Variants in STK32A observed in about 807,000 individuals in gnomAD.
The protein encoded by STK32A is serine/threonine-protein kinase 32A.
Under a neutral mutation model 53.2 loss-of-function variants are expected in STK32A, and 41 were observed. The observed-to-expected ratio is 0.77, with a 90% CI of 0.60 to 1.00. The LOEUF (loss-of-function observed/expected upper bound fraction) is 1.00. Ranked by LOEUF, STK32A falls within the 50% of genes least tolerant of loss-of-function variation. The pLI, the probability that STK32A is intolerant of heterozygous loss-of-function variation, is 0.00. For synonymous variants in STK32A, 166 were observed against 162.8 expected (o/e 1.02, Z -0.15); for missense variants, 458 against 485.8 (o/e 0.94, Z 0.54).
chr5:147,313,063 CAAAA>C (rs71583952), intron 4 of STK32A, among the ~76,000 whole-genome samples: 2 of 78,672 alleles, frequency 2.5e-5, no homozygotes, highest in Admixed American at 1.4e-4. Context: ...CTCATCTCTA[CAAAA>C]AAAAAAAAAA....
At chr5:147,373,377 A>C in intron 10 of STK32A, 83 bp downstream of exon 10, 1 of 1,547,410 alleles carries the variant, frequency 6.5e-7, no homozygotes. Context: ...GTCTCATTAG[A>C]TAATCACACC....
At chr5:147,238,428 A>G (rs1407388293) in intron 1 of STK32A, among the ~76,000 whole-genome samples, 1 of 152,170 alleles carries the variant, frequency 6.6e-6, no homozygotes. Flanking sequence ...GAGAGGTTAC[A>G]TAACTGGGCC....
intron 2 of STK32A, among the ~76,000 whole-genome samples, chr5:147,255,318 G>A (rs183705453): frequency 3.3e-5 from 5 of 152,188 alleles, no homozygotes; most frequent in African/African-American, 1.2e-4. Flanking sequence ...AAAAGAAGAA[G>A]CTTCTCTGGA....
At chr5:147,311,487 C>T (rs983671484) in intron 4 of STK32A, among the ~76,000 whole-genome samples, 1 of 152,046 alleles carries the variant, frequency 6.6e-6, no homozygotes, top group Non-Finnish European at 1.5e-5. Context: ...AATTAGTGAG[C>T]AATTCAGGCA....
At chr5:147,391,605 A>G (rs1427057222), downstream of STK32A, 1 of 152,108 alleles carries the variant, frequency 6.6e-6, no homozygotes. Flanking sequence ...GAGGGCCGGG[A>G]CTCACCATTG....
intron 5 of STK32A, among the ~76,000 whole-genome samples, chr5:147,332,484 T>C (rs1164387940): frequency 6.6e-6 from 1 of 152,128 alleles, no homozygotes; most frequent in Non-Finnish European, 1.5e-5. Flanking sequence ...CTAAAAATTA[T>C]CTGATTACTT....
intron 2 of STK32A, among the ~76,000 whole-genome samples, chr5:147,258,797 GT>G (rs1376068803): frequency 6.6e-6 from 1 of 151,864 alleles, no homozygotes; most frequent in Non-Finnish European, 1.5e-5. Flanking sequence ...ATGTTACACT[GT>G]TAACTTTTAG....
At chr5:147,258,659 A>G (rs1754347637) in intron 2 of STK32A, among the ~76,000 whole-genome samples, 1 of 127,962 alleles carries the variant, frequency 7.8e-6, no homozygotes, top group Admixed American at 7.3e-5. Context: ...ACTATATAAC[A>G]TTCTTTTTAC....
chr5:147,368,979 G>C (rs1756890892), intron 8 of STK32A, among the ~76,000 whole-genome samples: 1 of 152,100 alleles, frequency 6.6e-6, no homozygotes, highest in South Asian at 2.1e-4. Flanking sequence ...AGAAGCTTGA[G>C]TATACTAAGC....
rs35437278 is a variant in STK32A, at chr5:147,283,470, C to CA, written c.260+4085dup. On this transcript the variant is annotated intron_variant, in intron 4 of 12. Coordinates refer to ENST00000397936, the MANE Select transcript of STK32A (RefSeq NM_001112724.2). ...AAAGCAGAACTAAATGAAATTGAAA[C>CA]AAAAAAAAAAAAAGAAAGATAAATA... 2.8e-3 allele frequency among the ~76,000 whole-genome samples: 402 copies of CA among 141,590 alleles called. 1 individual carries two copies. Among genetic ancestry groups the CA allele is most frequent in the South Asian group, 4.7e-3 (20 of 4,236 alleles). 92.9% of individuals were successfully genotyped at this position (141,590 alleles called of 152,430 possible).
the STK32A span, chr5:147,400,939 G>T: frequency 7.1e-7 from 1 of 1,411,352 alleles, no homozygotes; most frequent in Non-Finnish European, 9.4e-7. Flanking sequence ...GACTATTTGG[G>T]TTTGGAATGC....
intron 1 of STK32A, among the ~76,000 whole-genome samples, chr5:147,236,779 A>C (rs1753342606): frequency 6.6e-6 from 1 of 152,172 alleles, no homozygotes; most frequent in South Asian, 2.1e-4. Context: ...GAAACATGGA[A>C]AATTGCGATA....
chr5:147,238,318 C>T (rs1307084157), intron 1 of STK32A, among the ~76,000 whole-genome samples: 1 of 152,116 alleles, frequency 6.6e-6, no homozygotes, highest in African/African-American at 2.4e-5. Context: ...TGTTAAATGC[C>T]CAGTCTGGCT....
At chr5:147,238,564 T>A (rs555563016) in intron 1 of STK32A, among the ~76,000 whole-genome samples, 1 of 152,342 alleles carries the variant, frequency 6.6e-6, no homozygotes, top group African/African-American at 2.4e-5. Context: ...TATCATTTAA[T>A]TTGAGCCTCA....
chr5:147,253,212 AT>A (rs1220627959), intron 2 of STK32A, among the ~76,000 whole-genome samples: 1 of 152,100 alleles, frequency 6.6e-6, no homozygotes, highest in Non-Finnish European at 1.5e-5. Flanking sequence ...CCTGAAAAAA[AT>A]TTTTTGGCAT....
At chr5:147,247,564 G>A (rs1029777210) in intron 2 of STK32A, among the ~76,000 whole-genome samples, 17 of 152,160 alleles carry the variant, frequency 1.1e-4, no homozygotes, top group Non-Finnish European at 1.5e-4. Context: ...GGTTATTTAC[G>A]AGAATTACTT....
chr5:147,245,541 GGA>G (rs904359888), intron 2 of STK32A, among the ~76,000 whole-genome samples: 1 of 152,072 alleles, frequency 6.6e-6, no homozygotes, highest in Non-Finnish European at 1.5e-5. Context: ...AATTTTTACA[GGA>G]GAGAGTGGAC....
chr5:147,386,200 C>T lies in STK32A; in HGVS notation c.*2217C>T, dbSNP rs542340349. 2 of 152,308 alleles carry T rather than the reference C, an allele frequency of 1.3e-5. No homozygotes were observed. The highest frequency in any genetic ancestry group is 4.1e-4 in the South Asian group (2 of 4,828). The allele number at this position is 152,308 out of a possible 1,614,324, so 9.4% of individuals were successfully genotyped here. A position where few individuals can be genotyped will look rare whatever the true frequency, so the allele number is the denominator to read the frequency against. The stretch of plus-strand genomic sequence containing the variant: ...CATTTGTCTGTGCTATTCTGTTTTT[C>T]TCCAAACACTATAAACTTGAAGCAA... On this transcript the variant is annotated 3_prime_UTR_variant, in exon 13 of 13. Coordinates refer to ENST00000397936, the MANE Select transcript of STK32A (RefSeq NM_001112724.2).
chr5:147,365,305 T>C (rs1756692460), intron 8 of STK32A, among the ~76,000 whole-genome samples: 1 of 152,192 alleles, frequency 6.6e-6, no homozygotes, highest in African/African-American at 2.4e-5. Context: ...AGGGTCCATT[T>C]TACACCCAAA....
Sources: gnomAD v4.1 joint callset for allele counts (sites outside exome capture counted in the v4.1 genomes callset) on GRCh38, gnomAD v4.1.1 for gene constraint, MANE v1.5 for transcripts, NCBI Gene and HGNC (gene_info 2026-07-23, HGNC 2026-07-21) for gene names.